Variants in LTF observed in about 807,000 individuals in gnomAD.
LTF encodes epididymis luminal protein 110.
A neutral mutation model predicts 87.2 loss-of-function variants in LTF; 91 were observed. The ratio of observed to expected loss-of-function variants is 1.04; its 90% CI spans 0.88 to 1.24. The LOEUF (loss-of-function observed/expected upper bound fraction) is 1.24, where lower values mean the gene tolerates loss of function less well. Among genes scored for constraint, LTF ranks in the 50% most tolerant of loss-of-function variants. The pLI, the probability that LTF is intolerant of heterozygous loss-of-function variation, is 0.00. For synonymous variants in LTF, 378 were observed against 356.1 expected, an observed-to-expected ratio of 1.06 and a Z score of -0.69; for missense variants, 901 against 904.3, an observed-to-expected ratio of 1.00 and a Z score of 0.05.
chr3:46,454,347 C>A lies in LTF; in HGVS notation c.661G>T (p.Gly221Trp), dbSNP rs1175480514. The A allele has an allele frequency of 1.9e-6, 3 of 1,614,166 alleles. No individual in the cohort carries two copies. The change falls in exon 6 of 17, where the codon GGG becomes TGG. Residue 221 changes from glycine (G) to tryptophan (W), a missense_variant. By Grantham distance (184) the Gly-to-Trp change is radical. Transcript: ENST00000231751. ...YSGAFKCLRD[G>W]AGDVAFIRES... Reference sequence around the variant, plus strand: ...CTGATAAAAGCCACGTCTCCAGCCCCGTCTCTCAGACACCTGTGAAAAGAG... The same window carrying A: ...CTGATAAAAGCCACGTCTCCAGCCCAGTCTCTCAGACACCTGTGAAAAGAG...
chr3:46,439,950 A>G (rs1430153376), intron 14 of LTF, among the ~76,000 whole-genome samples: 1 of 150,272 alleles, frequency 6.7e-6, no homozygotes, highest in Admixed American at 6.6e-5. Context: ...CTCCATTTAT[A>G]TGAAATGTCC....
chr3:46,471,727 T>C (rs1348565277), intron 1 of LTF, among the ~76,000 whole-genome samples: 1 of 152,180 alleles, frequency 6.6e-6, no homozygotes, highest in Non-Finnish European at 1.5e-5. Context: ...AGGAGATTTC[T>C]CCATCACCCC....
chr3:46,474,721 A>AT (rs1373716975), intron 1 of LTF, among the ~76,000 whole-genome samples: 3 of 152,220 alleles, frequency 2.0e-5, no homozygotes, highest in Non-Finnish European at 4.4e-5. Flanking sequence ...AACCTCAACA[A>AT]TTTTTTAAAA....
chr3:46,443,945 A>G (rs1019388649), intron 12 of LTF, among the ~76,000 whole-genome samples: 3 of 152,160 alleles, frequency 2.0e-5, no homozygotes, highest in Non-Finnish European at 4.4e-5. Context: ...TTTATCAGTA[A>G]TGGAAACCCT....
At position 46,447,416 on chromosome 3, in the gene LTF, A is replaced by G. The variant is rs762961969; in HGVS notation, c.1213-18T>C. The G allele has an allele frequency of 4.4e-6, 7 of 1,574,776 alleles. No individual in the cohort carries two copies. The South Asian group carries it at 5.5e-5, about 12-fold the overall frequency. On this transcript the variant is annotated intron_variant, in intron 9 of 16. Transcript: ENST00000231751. Reference sequence around the variant, plus strand: ...TCTCCTTTCTGCAAAGACAGAGCAGATCTCCAGCACCACAGTGAGGCTGCA... The same window carrying G: ...TCTCCTTTCTGCAAAGACAGAGCAGGTCTCCAGCACCACAGTGAGGCTGCA...
At chr3:46,448,160 T>C (rs1337953058) in intron 9 of LTF, among the ~76,000 whole-genome samples, 2 of 152,046 alleles carry the variant, frequency 1.3e-5, no homozygotes, top group Non-Finnish European at 2.9e-5. Flanking sequence ...GCCCAGGAGT[T>C]CGAGACGAGC....
intron 16 of LTF, among the ~76,000 whole-genome samples, chr3:46,437,556 C>T (rs1449266824): frequency 6.6e-6 from 1 of 152,104 alleles, no homozygotes; most frequent in Non-Finnish European, 1.5e-5. Context: ...CTCCCGGGCT[C>T]AAGCCATCCT....
chr3:46,459,757 T>C lies in LTF; in HGVS notation c.106A>G (p.Thr36Ala), dbSNP rs753805470. ...QWCAVSQPEA[T>A]KCFQWQRNMR... is the part of the protein sequence containing the mutation. The stretch of plus-strand genomic sequence containing the variant: ...TTCCTTTGCCATTGGAAGCATTTTG[T>C]GGCCTCGGGTTGGGATACGGCGCAC... Residue 36 changes from threonine (T) to alanine (A), a missense_variant, in exon 2 of 17, where the codon ACA (threonine) becomes GCA (alanine). By Grantham distance (58) the Thr-to-Ala change is moderately conservative. Transcript: ENST00000231751. The C allele has an allele frequency of 1.9e-6, 3 of 1,577,920 alleles. No homozygotes were observed. The highest frequency in any genetic ancestry group is 2.6e-6 in the Non-Finnish European group (3 of 1,167,520).
At chr3:46,456,552 G>A (rs984467575) in intron 2 of LTF, among the ~76,000 whole-genome samples, 154 bp from the exon 3 acceptor site, 2 of 152,158 alleles carry the variant, frequency 1.3e-5, no homozygotes, top group African/African-American at 4.8e-5. Flanking sequence ...GAGATGGTGA[G>A]AGCCAAGGAC....
chr3:46,454,510 A>T, intron 5 of LTF, 150 bp from the exon 6 acceptor site: 2 of 733,100 alleles, frequency 2.7e-6, no homozygotes, highest in Admixed American at 4.4e-5. Flanking sequence ...CTGGGAAGGT[A>T]GGGGCCCCCT....
chr3:46,459,521 G>T, intron 2 of LTF, 135 bp downstream of exon 2: 1 of 810,376 alleles, frequency 1.2e-6, no homozygotes, highest in Non-Finnish European at 1.7e-6. Context: ...AGTTCCCTGT[G>T]AGAGAGGACG....
chr3:46,437,337 T>TG (rs1274634617), intron 16 of LTF, among the ~76,000 whole-genome samples: 1 of 151,694 alleles, frequency 6.6e-6, no homozygotes, highest in Admixed American at 6.6e-5. Flanking sequence ...TTTTTTTTTT[T>TG]TGAGGAAGGG....
At position 46,438,095 on chromosome 3, in the gene LTF, T is replaced by C. The variant is rs200727604; in HGVS notation, c.1943A>G (p.Asp648Gly). The C allele has an allele frequency of 1.9e-4, 307 of 1,614,040 alleles. 4 individuals carry two copies. In the Middle Eastern group the frequency reaches 0.012, roughly 61 times the overall value. ...KFGRNGSDCPDKFCLFQSETK... is the reference protein window; with the variant it reads ...KFGRNGSDCPGKFCLFQSETK... Reference sequence around the variant, plus strand: ...TTCAGACTGGAATAAGCAAAACTTGTCCGGGCAGTCAGATCCATTTCTCCC... The same window carrying C: ...TTCAGACTGGAATAAGCAAAACTTGCCCGGGCAGTCAGATCCATTTCTCCC... Residue 648 changes from aspartate (D) to glycine (G), a missense_variant, in exon 16 of 17, where the codon GAC becomes GGC. Asp to Gly is a moderately conservative substitution (Grantham distance 94). Coordinates refer to ENST00000231751, the MANE Select transcript of LTF (RefSeq NM_002343.6).
upstream of LTF, among the ~76,000 whole-genome samples, chr3:46,469,256 G>A (rs1703253354): frequency 6.6e-6 from 1 of 152,228 alleles, no homozygotes; most frequent in Non-Finnish European, 1.5e-5. Context: ...TAGGCCCACA[G>A]CCAGGGGCTT....
At chr3:46,448,549 T>C (rs1702713036) in intron 9 of LTF, among the ~76,000 whole-genome samples, 1 of 152,210 alleles carries the variant, frequency 6.6e-6, no homozygotes, top group Non-Finnish European at 1.5e-5. Flanking sequence ...TTTAACCATG[T>C]CTGTCCCTCT....
At chr3:46,462,220 G>A (rs929115833) in intron 1 of LTF, among the ~76,000 whole-genome samples, 8 of 152,252 alleles carry the variant, frequency 5.3e-5, no homozygotes, top group African/African-American at 1.4e-4. Context: ...ATGTGTAAGC[G>A]GACAGGACCA....
Position 46,450,038 on chromosome 3 carries a change from A to G in LTF, c.883-10T>C, listed in dbSNP as rs753614001. 2 of 1,575,008 alleles carry G rather than the reference A, an allele frequency of 1.3e-6. No individual in the cohort carries two copies. Among genetic ancestry groups the G allele is most frequent in the Non-Finnish European group, 8.6e-7 (1 of 1,163,344 alleles). Reference sequence around the variant, plus strand: ...CCTTTCCAAACTTTTCCTAATTAAGAAAAAATAGAATTATGGTGTCAATGG... The same window carrying G: ...CCTTTCCAAACTTTTCCTAATTAAGGAAAAATAGAATTATGGTGTCAATGG... On this transcript the variant is annotated splice_polypyrimidine_tract_variant and intron_variant, in intron 7 of 16. Coordinates refer to ENST00000231751, the MANE Select transcript of LTF (RefSeq NM_002343.6).
At chr3:46,451,653 G>T (rs548845760) in intron 6 of LTF, among the ~76,000 whole-genome samples, 1 of 152,122 alleles carries the variant, frequency 6.6e-6, no homozygotes, top group Non-Finnish European at 1.5e-5. Context: ...GGAATGCAGT[G>T]GTGCGATCTC....
intron 1 of LTF, chr3:46,460,452 T>A (rs557260122): frequency 9.4e-5 from 39 of 416,592 alleles, no homozygotes; most frequent in South Asian, 6.9e-4. Context: ...ACAGAAAGAC[T>A]GGTGCTCCTG....
Sources: allele counts gnomAD v4.1 joint callset (sites outside exome capture counted in the v4.1 genomes callset), GRCh38; gene constraint gnomAD v4.1.1; transcripts MANE v1.5; gene names NCBI Gene and HGNC (gene_info 2026-07-23, HGNC 2026-07-21).